TECTA: variants seen among roughly 807,000 people sequenced by gnomAD.
TECTA encodes the protein alpha-tectorin.
TECTA carries 128 observed loss-of-function variants against 216.8 expected under a neutral mutation model. The observed-to-expected ratio is 0.59, with a 90% CI of 0.51 to 0.68. The LOEUF (loss-of-function observed/expected upper bound fraction) is 0.68, where lower values mean the gene tolerates loss of function less well. TECTA is among the 30% of genes least tolerant of loss of function. The pLI is 0.00. For synonymous variants in TECTA, 1,089 were observed against 1,117.1 expected (o/e 0.97, Z 0.50); for missense variants, 2,551 against 2,786.2 (o/e 0.92, Z 1.90).
In TECTA at chr11:121,187,862, C is replaced by T; in HGVS notation, c.6030C>T (p.Gly2010=). The T allele has an allele frequency of 6.2e-7, 1 of 1,614,222 alleles. No homozygotes were observed. The highest frequency in any genetic ancestry group is 8.5e-7 in the Non-Finnish European group (1 of 1,180,028). Residue 2010 remains glycine (G), a synonymous_variant, in exon 21 of 24, where the codon GGC becomes GGT. Transcript: ENST00000392793. ...AGAACCTCAAAGATAACACCATTGG[C>T]ATCGAGGAGAATGCAGTCTCCCTGA... ...GCQNLKDNTI[G]IEENAVSLTC... is the part of the protein sequence containing the mutation.
chr11:121,113,065 C>G lies in TECTA; in HGVS notation c.487-7C>G, dbSNP rs368627411. 5.4e-5 allele frequency: 87 copies of G among 1,614,082 alleles called. No individual in the cohort carries two copies. The Middle Eastern group carries it at 6.3e-3, about 116-fold the overall frequency. ...AAGTCATGAGACTGCGCATTCCCATCCTGTAGGTGAACACCTTCCAGGCCG... is the reference window on the plus strand; with the variant it reads ...AAGTCATGAGACTGCGCATTCCCATGCTGTAGGTGAACACCTTCCAGGCCG... On this transcript the variant is annotated splice_region_variant and splice_polypyrimidine_tract_variant and intron_variant, in intron 4 of 23. Transcript: ENST00000392793. This position sits in a 1 kb window ranked among gnomAD's most constrained non-coding sequence, Gnocchi z 4.2.
At position 121,137,909 on chromosome 11, in the gene TECTA, A is replaced by C. The variant is rs1194040251; in HGVS notation, c.3430A>C (p.Thr1144Pro). The C allele has an allele frequency of 1.9e-6, 3 of 1,602,598 alleles. No individual in the cohort carries two copies. Among genetic ancestry groups the C allele is most frequent in the Non-Finnish European group, 2.6e-6 (3 of 1,170,708 alleles). The change falls in exon 11 of 24, where the codon ACA (threonine) becomes CCA (proline). Residue 1144 changes from threonine (T) to proline (P), a missense_variant. By Grantham distance (38) the Thr-to-Pro change is conservative. Around this residue, in one of 3 missense-constraint regions of TECTA, gnomAD observed 2,375 missense variants for 2,563.9 expected, o/e 0.93. Transcript: ENST00000392793. ...SSDSFPKFVVTAKNEDRDPSL... is the reference protein window; with the variant it reads ...SSDSFPKFVVPAKNEDRDPSL... Reference sequence around the variant, plus strand: ...AGACTCTTTCCCCAAGTTTGTTGTCACAGCCAAGAATGAGGACCGGGACCC... The same window carrying C: ...AGACTCTTTCCCCAAGTTTGTTGTCCCAGCCAAGAATGAGGACCGGGACCC...
intron 13 of TECTA, among the ~76,000 whole-genome samples, chr11:121,155,669 C>T (rs548863767): frequency 2.6e-5 from 4 of 152,250 alleles, no homozygotes; most frequent in African/African-American, 9.6e-5. Context: ...GAAGCATAGG[C>T]CTTTTTGTGC....
Position 121,191,156 on chromosome 11 carries a change from T to C in TECTA, c.*350T>C. ...TGACCAGAGAAATCTGTCAAGCCAG[T>C]GCTATTTCTGGATCACAGTTTTTTA... On this transcript the variant is annotated 3_prime_UTR_variant, in exon 24 of 24. Transcript: ENST00000392793. 3.1e-6 allele frequency: 1 copy of C among 323,886 alleles called. No homozygotes were observed. Among genetic ancestry groups the C allele is most frequent in the South Asian group, 2.8e-5 (1 of 35,950 alleles). 20.1% of individuals were successfully genotyped at this position (323,886 alleles called of 1,614,324 possible).
In TECTA at chr11:121,165,452, T is replaced by C; in HGVS notation, c.5383+69T>C. 9 of 1,282,364 alleles carry C rather than the reference T, an allele frequency of 7.0e-6. No homozygotes were observed. In the South Asian group the frequency reaches 1.2e-4, roughly 17 times the overall value. 79.4% of individuals were successfully genotyped at this position (1,282,364 alleles called of 1,614,324 possible). A position where few individuals can be genotyped will look rare whatever the true frequency, so the allele number is the denominator to read the frequency against. Reference sequence around the variant, plus strand: ...GAGATGCTGCTCTGGGGAACGACCTTGATGCATCCCACTTTGTGAAGCTTT... The same window carrying C: ...GAGATGCTGCTCTGGGGAACGACCTCGATGCATCCCACTTTGTGAAGCTTT... On this transcript the variant is annotated intron_variant, in intron 17 of 23. Coordinates refer to ENST00000392793, the MANE Select transcript of TECTA (RefSeq NM_005422.4).
chr11:121,164,072 A>G (rs1456825089), intron 16 of TECTA, among the ~76,000 whole-genome samples: 3 of 152,146 alleles, frequency 2.0e-5, no homozygotes, highest in Admixed American at 2.0e-4. Context: ...TACCTACCAG[A>G]GGGGCGTGGC....
Position 121,125,457 on chromosome 11 carries a change from T to C in TECTA, c.1359T>C (p.Tyr453=), listed in dbSNP as rs1038719393. The C allele has an allele frequency of 1.2e-6, 2 of 1,614,080 alleles. No homozygotes were observed. Among genetic ancestry groups the C allele is most frequent in the Non-Finnish European group, 1.7e-6 (2 of 1,180,046 alleles). The change falls in exon 8 of 24, where the codon TAT becomes TAC. Residue 453 remains tyrosine (Y), a synonymous_variant. Transcript: ENST00000392793. ...CCTCCATTTCCGTCCCAGGCTCCTA[T>C]ATAAACTCCACCTGTGGACTCTGTG... ...HYASISVPGS[Y]INSTCGLCGN...
At chr11:121,135,685 G>GTA in intron 10 of TECTA, among the ~76,000 whole-genome samples, 1 of 152,340 alleles carries the variant, frequency 6.6e-6, no homozygotes, top group Non-Finnish European at 1.5e-5. Context: ...TTATTTCTCT[G>GTA]TAATGTCCTC....
Position 121,109,297 on chromosome 11 carries a change from C to T in TECTA, c.285C>T (p.Phe95=), listed in dbSNP as rs775584376. 28 of 1,614,032 alleles carry T rather than the reference C, an allele frequency of 1.7e-5. No individual in the cohort carries two copies. The highest frequency in any genetic ancestry group is 2.7e-5 in the African/African-American group (2 of 74,900). ...TTCCCCTGACAGATGGGAGAGCCTT[C>T]GTCGCCCCATTTTGGGCAGATGTGC... ...ESFPLTDGRA[F]VAPFWADVHN... The change falls in exon 4 of 24, where the codon TTC becomes TTT. Residue 95 remains phenylalanine, a synonymous_variant. Transcript: ENST00000392793.
In TECTA at chr11:121,113,334, G is replaced by A; in HGVS notation, c.624+125G>A. The A allele has an allele frequency of 6.4e-7, 1 of 1,555,012 alleles. No homozygotes were observed. ...CTAGAGACGCAGGTCTGATCTCGCAGGTGGACTACGAGGCTAGTCCTGCCC... is the reference window on the plus strand; with the variant it reads ...CTAGAGACGCAGGTCTGATCTCGCAAGTGGACTACGAGGCTAGTCCTGCCC... On this transcript the variant is annotated intron_variant, in intron 5 of 23. Transcript: ENST00000392793. The surrounding 1 kb of genome is among the most constrained non-coding windows in gnomAD (Gnocchi z 4.2).
At chr11:121,168,280 A>T in intron 19 of TECTA, 63 bp downstream of exon 19, 2 of 1,602,958 alleles carry the variant, frequency 1.2e-6, no homozygotes, top group South Asian at 2.2e-5. Context: ...AGGTTAGCAT[A>T]ATCAAAATTG....
intron 20 of TECTA, among the ~76,000 whole-genome samples, chr11:121,186,629 A>G (rs931127640): frequency 6.6e-6 from 1 of 152,230 alleles, no homozygotes; most frequent in Admixed American, 6.5e-5. Flanking sequence ...TATGGCATGT[A>G]AGTTTTTGTT....
chr11:121,179,354 T>G (rs985016608), intron 20 of TECTA, among the ~76,000 whole-genome samples: 1 of 152,186 alleles, frequency 6.6e-6, no homozygotes, highest in Non-Finnish European at 1.5e-5. Context: ...AAAATTTCTC[T>G]TATTATTGAT....
Position 121,129,926 on chromosome 11 carries a change from A to C in TECTA, c.2656A>C (p.Asn886His), listed in dbSNP as rs768601456. ...ESWTTFEEIC[N>H]GECGDLLKAC... ...CTGGACAACTTTCGAGGAGATCTGCAATGGAGAGTGTGGGGACCTGCTGAA... is the reference window on the plus strand; with the variant it reads ...CTGGACAACTTTCGAGGAGATCTGCCATGGAGAGTGTGGGGACCTGCTGAA... The change falls in exon 10 of 24, where the codon AAT becomes CAT. Residue 886 changes from asparagine (N) to histidine (H), a missense_variant. Transcript: ENST00000392793. The C allele has an allele frequency of 1.2e-6, 2 of 1,613,044 alleles. No homozygotes were observed. The highest frequency in any genetic ancestry group is 1.7e-6 in the Non-Finnish European group (2 of 1,179,250).
chr11:121,105,017 T>C lies in TECTA; in HGVS notation c.65-814T>C, dbSNP rs1487427353. Reference sequence around the variant, plus strand: ...CAGACCCTAGGGAACTTGTCTCATTTCTCCCACAAAACTGAGCCACATCTT... The same window carrying C: ...CAGACCCTAGGGAACTTGTCTCATTCCTCCCACAAAACTGAGCCACATCTT... On this transcript the variant is annotated intron_variant, in intron 2 of 23. Transcript: ENST00000392793. The surrounding 1 kb of genome is among the most constrained non-coding windows in gnomAD (Gnocchi z 5.3). Among the ~76,000 whole-genome samples, 1 of 151,966 alleles carries C rather than the reference T, an allele frequency of 6.6e-6. No individual in the cohort carries two copies. The highest frequency in any genetic ancestry group is 1.5e-5 in the Non-Finnish European group (1 of 68,008).
chr11:121,168,037 T>C lies in TECTA; in HGVS notation c.5587-17T>C. ...ACTCCCAGATGTAACGATTTCTGACTTCCCCTTGTTCTGCAGTCCAATGGC... is the reference window on the plus strand; with the variant it reads ...ACTCCCAGATGTAACGATTTCTGACCTCCCCTTGTTCTGCAGTCCAATGGC... On this transcript the variant is annotated splice_polypyrimidine_tract_variant and intron_variant, in intron 18 of 23. Coordinates refer to ENST00000392793, the MANE Select transcript of TECTA (RefSeq NM_005422.4). The C allele has an allele frequency of 6.2e-7, 1 of 1,614,160 alleles. No homozygotes were observed. The highest frequency in any genetic ancestry group is 8.5e-7 in the Non-Finnish European group (1 of 1,179,964).
At chr11:121,182,750 G>A (rs997707968) in intron 20 of TECTA, among the ~76,000 whole-genome samples, 5 of 152,202 alleles carry the variant, frequency 3.3e-5, no homozygotes, top group Non-Finnish European at 7.4e-5. Flanking sequence ...GTGGCAACAC[G>A]TTGGTTAGGC....
intron 11 of TECTA, among the ~76,000 whole-genome samples, chr11:121,142,194 C>G (rs562538621): frequency 2.6e-5 from 4 of 152,290 alleles, no homozygotes; most frequent in Admixed American, 1.3e-4. Flanking sequence ...TCCAAAAACT[C>G]TAATATGTGG....
Position 121,168,191 on chromosome 11 carries a change from G to A in TECTA, c.5724G>A (p.Leu1908=), listed in dbSNP as rs1355753120. ...ATGAGCTGGATATCAAGATCTCCTT[G>A]GATTCTGTTGTGAAGCCTATGCTAA... is the stretch of plus-strand genomic sequence containing the variant. The part of the protein sequence containing the change: ...CAYELDIKIS[L]DSVVKPMLSV... The change falls in exon 19 of 24, where the codon TTG becomes TTA. Residue 1908 remains leucine, a synonymous_variant. Coordinates refer to ENST00000392793, the MANE Select transcript of TECTA (RefSeq NM_005422.4). 6.2e-7 allele frequency: 1 copy of A among 1,614,086 alleles called. No individual in the cohort carries two copies. The highest frequency in any genetic ancestry group is 1.3e-5 in the African/African-American group (1 of 74,932).
Sources: allele counts gnomAD v4.1 joint callset (sites outside exome capture counted in the v4.1 genomes callset), GRCh38; gene constraint gnomAD v4.1.1; regional missense constraint gnomAD v4.1.1; non-coding constraint Gnocchi (gnomAD v3.1); transcripts MANE v1.5; gene names NCBI Gene and HGNC (gene_info 2026-07-23, HGNC 2026-07-21).